Variants in ADAMTS6 observed in about 807,000 individuals in gnomAD.
ADAMTS6 encodes the protein A disintegrin and metalloproteinase with thrombospondin motifs 6.
In ADAMTS6, 23 loss-of-function variants were observed where a neutral mutation model predicts 144.3. The ratio of observed to expected loss-of-function variants is 0.16; its 90% CI spans 0.11 to 0.23. The LOEUF (loss-of-function observed/expected upper bound fraction) is 0.23. Ranked by LOEUF, ADAMTS6 falls within the 10% of genes least tolerant of loss-of-function variation. ADAMTS6 has a pLI of 1.00. For synonymous variants in ADAMTS6, 444 were observed against 457.5 expected, an observed-to-expected ratio of 0.97 and a Z score of 0.38; for missense variants, 999 against 1,379.6, an observed-to-expected ratio of 0.72 and a Z score of 4.37.
At chr5:65,194,514 A>T (rs1407298723) in intron 21 of ADAMTS6, among the ~76,000 whole-genome samples, 1 of 152,190 alleles carries the variant, frequency 6.6e-6, no homozygotes, top group Non-Finnish European at 1.5e-5. Context: ...ATGCATTTCA[A>T]CTTGCAATGT....
chr5:65,210,419 C>A (rs1235506520), intron 20 of ADAMTS6: 1 of 184,046 alleles, frequency 5.4e-6, no homozygotes, highest in Non-Finnish European at 1.1e-5. Context: ...CCACTGCACT[C>A]CAGCCTGGGC....
chr5:65,197,252 C>A (rs1755447730), intron 20 of ADAMTS6, 101 bp from the exon 21 acceptor site: 5 of 1,231,148 alleles, frequency 4.1e-6, no homozygotes, highest in Non-Finnish European at 5.6e-6. Flanking sequence ...CACTGGATCG[C>A]TGCCGTCTTA....
intron 3 of ADAMTS6, among the ~76,000 whole-genome samples, chr5:65,465,430 A>G (rs746367883): frequency 6.8e-6 from 1 of 146,374 alleles, no homozygotes; most frequent in African/African-American, 2.6e-5. Context: ...CAAGAACTTC[A>G]TTCCAGCACC....
intron 22 of ADAMTS6, among the ~76,000 whole-genome samples, chr5:65,185,918 A>G (rs1175291691): frequency 6.6e-6 from 1 of 152,016 alleles, no homozygotes; most frequent in Non-Finnish European, 1.5e-5. Context: ...TCAGTGTGAA[A>G]TGAGGCTTAC....
chr5:65,421,108 C>T (rs974526778), intron 7 of ADAMTS6, among the ~76,000 whole-genome samples: 2 of 152,124 alleles, frequency 1.3e-5, no homozygotes, highest in East Asian at 3.8e-4. Flanking sequence ...TTAGTCACCA[C>T]GTTGACTGTT....
intron 9 of ADAMTS6, among the ~76,000 whole-genome samples, chr5:65,313,419 G>T (rs1208000867): frequency 1.3e-5 from 2 of 151,802 alleles, no homozygotes; most frequent in African/African-American, 4.8e-5. Flanking sequence ...TACATATATT[G>T]TATATATAAT....
chr5:65,242,892 G>T (rs1759317175), intron 14 of ADAMTS6, among the ~76,000 whole-genome samples: 1 of 151,890 alleles, frequency 6.6e-6, no homozygotes, highest in South Asian at 2.1e-4. Flanking sequence ...GGTGAAAAAA[G>T]GATTATCTGT....
At chr5:65,346,076 T>C (rs1297350663) in intron 7 of ADAMTS6, among the ~76,000 whole-genome samples, 1 of 151,916 alleles carries the variant, frequency 6.6e-6, no homozygotes, top group Non-Finnish European at 1.5e-5. Context: ...AAAGAATTTA[T>C]ACCAATCCTT....
intron 9 of ADAMTS6, among the ~76,000 whole-genome samples, chr5:65,308,417 A>G (rs1744151026): frequency 6.6e-6 from 1 of 152,046 alleles, no homozygotes; most frequent in South Asian, 2.1e-4. Flanking sequence ...ACCTTTAATC[A>G]TTTAATTTCT....
At chr5:65,340,897 T>C (rs1006840652) in intron 7 of ADAMTS6, among the ~76,000 whole-genome samples, 5 of 151,892 alleles carry the variant, frequency 3.3e-5, no homozygotes, top group African/African-American at 4.8e-5. Context: ...ATATAACAAT[T>C]GTAAATATAT....
At chr5:65,334,169 G>T in intron 7 of ADAMTS6, 84 bp from the exon 8 acceptor site, 1 of 1,395,236 alleles carries the variant, frequency 7.2e-7, no homozygotes, top group Non-Finnish European at 9.7e-7. Context: ...CTCTCCTGAA[G>T]TTGTCAGACC....
chr5:65,200,712 T>C (rs541856518), intron 20 of ADAMTS6, among the ~76,000 whole-genome samples: 1 of 152,232 alleles, frequency 6.6e-6, no homozygotes, highest in South Asian at 2.1e-4. Context: ...GCATGCAAAC[T>C]GTATGTATAT....
intron 7 of ADAMTS6, among the ~76,000 whole-genome samples, chr5:65,430,799 G>A (rs1756942600): frequency 6.6e-6 from 1 of 151,932 alleles, no homozygotes; most frequent in Non-Finnish European, 1.5e-5. Flanking sequence ...TTTTTTCTTT[G>A]CTTAGAACAC....
At chr5:65,353,971 T>C (rs536199266) in intron 7 of ADAMTS6, among the ~76,000 whole-genome samples, 15 of 152,050 alleles carry the variant, frequency 9.9e-5, no homozygotes, top group Admixed American at 7.2e-4. Context: ...ATTGTTCTTT[T>C]TGGACTGGTA....
chr5:65,293,250 CTT>C (rs1054395886), intron 10 of ADAMTS6, among the ~76,000 whole-genome samples: 4 of 151,802 alleles, frequency 2.6e-5, no homozygotes, highest in African/African-American at 9.7e-5. Flanking sequence ...TTATAAATAT[CTT>C]TATGAAAGGA....
intron 7 of ADAMTS6, among the ~76,000 whole-genome samples, chr5:65,397,970 T>C (rs1339314172): frequency 2.0e-5 from 3 of 152,076 alleles, no homozygotes; most frequent in Non-Finnish European, 4.4e-5. Flanking sequence ...CTAGATTAAT[T>C]CCATGTGGTT....
At chr5:65,456,080 C>T (rs918255152) in intron 4 of ADAMTS6, among the ~76,000 whole-genome samples, 16 of 151,286 alleles carry the variant, frequency 1.1e-4, no homozygotes, top group Non-Finnish European at 2.2e-4. Context: ...AGAGAGAGAA[C>T]ATCTTCAGTT....
chr5:65,150,136 A>C lies in ADAMTS6; in HGVS notation c.*1700T>G. 6.6e-6 allele frequency: 1 copy of C among 152,392 alleles called. No individual in the cohort carries two copies. Among genetic ancestry groups the C allele is most frequent in the Non-Finnish European group, 1.5e-5 (1 of 68,042 alleles). The allele number at this position is 152,392 out of a possible 1,614,324, so 9.4% of individuals were successfully genotyped here. Reference sequence around the variant, plus strand: ...CATTAGATCATGATATATGTGATGCACTGACATGTAATTTAAGAGCACCAT... The same window carrying C: ...CATTAGATCATGATATATGTGATGCCCTGACATGTAATTTAAGAGCACCAT... On this transcript the variant is annotated 3_prime_UTR_variant, in exon 25 of 25. Transcript: ENST00000381055.
chr5:65,278,234 A>G (rs1452954786), intron 11 of ADAMTS6, among the ~76,000 whole-genome samples: 2 of 152,198 alleles, frequency 1.3e-5, no homozygotes, highest in Admixed American at 6.5e-5. Context: ...GTCGATGGGC[A>G]CTTAGATTGG....
Sources: gnomAD v4.1 joint callset for allele counts (sites outside exome capture counted in the v4.1 genomes callset) on GRCh38, gnomAD v4.1.1 for gene constraint, MANE v1.5 for transcripts, NCBI Gene and HGNC (gene_info 2026-07-23, HGNC 2026-07-21) for gene names.